GFOD1: variants seen among roughly 807,000 people sequenced by gnomAD.
The protein encoded by GFOD1 is Gfo/Idh/MocA-like oxidoreductase domain containing 1, also known as glucose-fructose oxidoreductase domain-containing protein 1.
Under a neutral mutation model 25.4 loss-of-function variants are expected in GFOD1, and 9 were observed. That is an observed-to-expected ratio of 0.35 (90% CI 0.21 to 0.62). The LOEUF (loss-of-function observed/expected upper bound fraction) is 0.62. GFOD1 is among the 20% of genes least tolerant of loss of function. GFOD1 has a pLI of 0.72. For missense variants in GFOD1, 403 were observed against 556.9 expected (o/e 0.72, Z 2.78); for synonymous variants, 253 against 245.6 (o/e 1.03, Z -0.28).
Position 13,362,823 on chromosome 6 carries a change from C to G in GFOD1, c.*1920G>C, listed in dbSNP as rs1255431371. 6.6e-6 allele frequency: 1 copy of G among 152,238 alleles called. No homozygotes were observed. Among genetic ancestry groups the G allele is most frequent in the East Asian group, 1.9e-4 (1 of 5,192 alleles). 9.4% of individuals were successfully genotyped at this position (152,238 alleles called of 1,614,324 possible). A position where few individuals can be genotyped will look rare whatever the true frequency, so the allele number is the denominator to read the frequency against. On this transcript the variant is annotated 3_prime_UTR_variant, in exon 2 of 2. Coordinates refer to ENST00000379287, the MANE Select transcript of GFOD1 (RefSeq NM_018988.4). ...TAGCCTGGGCTTCAAAGAATATTGACCCTAGGGAGGACAATGAAGGATGCA... is the reference window on the plus strand; with the variant it reads ...TAGCCTGGGCTTCAAAGAATATTGAGCCTAGGGAGGACAATGAAGGATGCA...
chr6:13,454,966 A>G (rs1692589275), intron 1 of GFOD1, among the ~76,000 whole-genome samples: 1 of 152,196 alleles, frequency 6.6e-6, no homozygotes, highest in African/African-American at 2.4e-5. Context: ...TTGATATCAA[A>G]AACCTGAAAG....
chr6:13,473,958 A>G (rs911907213), intron 1 of GFOD1, among the ~76,000 whole-genome samples: 2 of 152,190 alleles, frequency 1.3e-5, no homozygotes, highest in African/African-American at 4.8e-5. Context: ...CTACTCAACA[A>G]AACAAATGTG....
At chr6:13,402,524 AT>A (rs1476781653) in intron 1 of GFOD1, among the ~76,000 whole-genome samples, 2 of 152,224 alleles carry the variant, frequency 1.3e-5, no homozygotes, top group Non-Finnish European at 2.9e-5. Flanking sequence ...AAGGATCTAA[AT>A]GGACATTTCT....
chr6:13,373,177 T>C (rs573109), intron 1 of GFOD1, among the ~76,000 whole-genome samples: 64,945 of 152,070 alleles, frequency 0.43, 16,769 homozygotes, highest in East Asian at 0.67. Context: ...GGCGTGATTA[T>C]GGAATGCAGA....
chr6:13,446,691 C>T (rs1188607925), intron 1 of GFOD1, among the ~76,000 whole-genome samples: 1 of 152,160 alleles, frequency 6.6e-6, no homozygotes, highest in Non-Finnish European at 1.5e-5. Flanking sequence ...CAAGTGGCCA[C>T]CAGCTACAGC....
chr6:13,442,594 C>T (rs1757934521), intron 1 of GFOD1, among the ~76,000 whole-genome samples: 1 of 152,192 alleles, frequency 6.6e-6, no homozygotes, highest in African/African-American at 2.4e-5. Context: ...GCCAATGCAG[C>T]TGGTGACTTT....
chr6:13,378,740 G>A (rs1785303237), intron 1 of GFOD1, among the ~76,000 whole-genome samples: 1 of 152,166 alleles, frequency 6.6e-6, no homozygotes, highest in Non-Finnish European at 1.5e-5. Context: ...GAACCTAGGT[G>A]CCAGCAGGAA....
rs1370485762 is a variant in GFOD1 at position 13,360,588 on chromosome 6, C to T, written c.*4155G>A. On this transcript the variant is annotated 3_prime_UTR_variant, in exon 2 of 2. Transcript: ENST00000379287. ...TCCCCAGCCCTGAGGCTTGCTGCAT[C>T]ACCTACAATCAAAATGAACATAGGA... 5 of 412,198 alleles carry T rather than the reference C, an allele frequency of 1.2e-5. No homozygotes were observed. Among genetic ancestry groups the T allele is most frequent in the African/African-American group, 8.1e-5 (4 of 49,200 alleles). 25.5% of individuals were successfully genotyped at this position (412,198 alleles called of 1,614,324 possible).
At chr6:13,443,219 A>T (rs1410214650) in intron 1 of GFOD1, among the ~76,000 whole-genome samples, 1 of 152,222 alleles carries the variant, frequency 6.6e-6, no homozygotes, top group Non-Finnish European at 1.5e-5. Context: ...CTGCAATCTC[A>T]TGATAAAGCT....
chr6:13,426,193 C>G (rs1055199214), intron 1 of GFOD1, among the ~76,000 whole-genome samples: 5 of 152,242 alleles, frequency 3.3e-5, no homozygotes. Context: ...CCAGCTCTCT[C>G]CCTTCTCCCC....
intron 1 of GFOD1, among the ~76,000 whole-genome samples, chr6:13,447,945 A>T (rs974732712): frequency 6.6e-6 from 1 of 151,938 alleles, no homozygotes; most frequent in Non-Finnish European, 1.5e-5. Flanking sequence ...CACTGGAAGC[A>T]TTGGGCATTA....
Position 13,365,692 on chromosome 6 carries a change from G to A in GFOD1, c.254-30C>T, listed in dbSNP as rs747483230. The A allele has an allele frequency of 7.3e-6, 11 of 1,500,576 alleles. No homozygotes were observed. The highest frequency in any genetic ancestry group is 6.8e-5 in the East Asian group (3 of 44,112). 93.0% of individuals were successfully genotyped at this position (1,500,576 alleles called of 1,614,324 possible). ...GGGTGGGAGGAAGACAGCGGTCAGC[G>A]GGGCAGGACCATGTCCGAGCGCGCG... On this transcript the variant is annotated intron_variant, in intron 1 of 1. Coordinates refer to ENST00000379287, the MANE Select transcript of GFOD1 (RefSeq NM_018988.4). This position sits in a 1 kb window ranked among gnomAD's most constrained non-coding sequence, Gnocchi z 9.2.
chr6:13,473,517 C>G (rs1176351817), intron 1 of GFOD1, among the ~76,000 whole-genome samples: 1 of 152,224 alleles, frequency 6.6e-6, no homozygotes, highest in East Asian at 1.9e-4. Flanking sequence ...TTGTGGCTGT[C>G]ACCATTTGAG....
chr6:13,379,357 A>C (rs1270472985), intron 1 of GFOD1, among the ~76,000 whole-genome samples: 1 of 152,172 alleles, frequency 6.6e-6, no homozygotes, highest in Non-Finnish European at 1.5e-5. Flanking sequence ...AAGCCTTTGC[A>C]GCAAAGCCAT....
chr6:13,459,218 C>T lies in GFOD1; in HGVS notation c.253+27420G>A, dbSNP rs143696885. 4.2e-3 allele frequency among the ~76,000 whole-genome samples: 643 copies of T among 152,178 alleles called. 4 individuals carry two copies. Among genetic ancestry groups the T allele is most frequent in the African/African-American group, 0.015 (627 of 41,528 alleles). On this transcript the variant is annotated intron_variant, in intron 1 of 1. Transcript: ENST00000379287. ...AATAAGACCACACATTTCCAACCAT[C>T]TAATCTTCGACAAACCTGACAAAAA...
At chr6:13,456,241 C>T (rs1758185820) in intron 1 of GFOD1, among the ~76,000 whole-genome samples, 1 of 152,198 alleles carries the variant, frequency 6.6e-6, no homozygotes, top group African/African-American at 2.4e-5. Context: ...ATGGCATGAT[C>T]TTGGCTTACT....
chr6:13,423,635 T>C (rs992702958), intron 1 of GFOD1, among the ~76,000 whole-genome samples: 1 of 152,090 alleles, frequency 6.6e-6, no homozygotes, highest in African/African-American at 2.4e-5. Context: ...GTGTTTAGGG[T>C]GCAGGTTACT....
At position 13,486,624 on chromosome 6, in the gene GFOD1, T is replaced by A. The variant is rs375888928; in HGVS notation, c.253+14A>T. On this transcript the variant is annotated intron_variant, in intron 1 of 1. Coordinates refer to ENST00000379287, the MANE Select transcript of GFOD1 (RefSeq NM_018988.4). ...CGGGGGTGGGACGGAGGATGCGGGG[T>A]AGGGGTCGCTCACCTAGGGTTTTGA... 1 of 1,608,256 alleles carries A rather than the reference T, an allele frequency of 6.2e-7. No individual in the cohort carries two copies. Among genetic ancestry groups the A allele is most frequent in the Non-Finnish European group, 8.5e-7 (1 of 1,176,574 alleles).
chr6:13,412,159 A>G (rs1488896269), intron 1 of GFOD1, among the ~76,000 whole-genome samples: 1 of 152,168 alleles, frequency 6.6e-6, no homozygotes, highest in Non-Finnish European at 1.5e-5. Flanking sequence ...GTCCCTCTAA[A>G]ATTCATATAT....
Sources: gnomAD v4.1 joint callset for allele counts (sites outside exome capture counted in the v4.1 genomes callset) on GRCh38, gnomAD v4.1.1 for gene constraint, Gnocchi (gnomAD v3.1) non-coding constraint, MANE v1.5 for transcripts, NCBI Gene and HGNC (gene_info 2026-07-23, HGNC 2026-07-21) for gene names.